The following RHBDD1 variants were observed in gnomAD, a reference collection of about 807,000 sequenced individuals.
RHBDD1 encodes rhomboid-related protein 4.
In RHBDD1, 38 loss-of-function variants were observed where a neutral mutation model predicts 36.3. The observed-to-expected ratio is 1.05, with a 90% CI of 0.81 to 1.37. RHBDD1 has a LOEUF of 1.37. RHBDD1 is among the 40% of genes most tolerant of loss of function. The pLI is 0.00. For synonymous variants in RHBDD1, 151 were observed against 136.5 expected (o/e 1.11, Z -0.74); for missense variants, 393 against 377.6 (o/e 1.04, Z -0.34).
chr2:226,930,918 A>G (rs1235682871), intron 8 of RHBDD1, among the ~76,000 whole-genome samples: 2 of 152,146 alleles, frequency 1.3e-5, no homozygotes, highest in Non-Finnish European at 2.9e-5. Context: ...AGGGAAATGC[A>G]AATTCAAACC....
chr2:226,946,158 T>A lies in RHBDD1; in HGVS notation c.856+31807T>A, dbSNP rs549573372. Among the ~76,000 whole-genome samples, 6 of 152,300 alleles carry A rather than the reference T, an allele frequency of 3.9e-5. No homozygotes were observed. The South Asian group carries it at 1.2e-3, about 32-fold the overall frequency. ...GCAGAAGCTCTTTAGTTTAATTAGATCCCGTTTGTCAATTGTGGCTTTTGT... is the reference window on the plus strand; with the variant it reads ...GCAGAAGCTCTTTAGTTTAATTAGAACCCGTTTGTCAATTGTGGCTTTTGT... On this transcript the variant is annotated intron_variant, in intron 8 of 8. Coordinates refer to ENST00000392062, the MANE Select transcript of RHBDD1 (RefSeq NM_001167608.3).
chr2:226,803,845 T>C, the RHBDD1 span, among the ~76,000 whole-genome samples: 1 of 152,176 alleles, frequency 6.6e-6, no homozygotes, highest in Admixed American at 6.5e-5. Context: ...GGCTTGTAAA[T>C]CGGCTAGATC....
chr2:226,938,439 G>A (rs1164047961), intron 8 of RHBDD1, among the ~76,000 whole-genome samples: 2 of 152,052 alleles, frequency 1.3e-5, no homozygotes, highest in African/African-American at 4.8e-5. Flanking sequence ...TGATAAGGGG[G>A]ATATTGCCAC....
intron 3 of RHBDD1, among the ~76,000 whole-genome samples, chr2:226,859,109 A>T (rs553479025): frequency 6.6e-6 from 1 of 152,356 alleles, no homozygotes; most frequent in Admixed American, 6.5e-5. Flanking sequence ...AGACCTTCTT[A>T]ATCAGTTTCA....
At chr2:226,806,086 CTT>C in the RHBDD1 span, among the ~76,000 whole-genome samples, 1 of 151,914 alleles carries the variant, frequency 6.6e-6, no homozygotes, top group Non-Finnish European at 1.5e-5. Flanking sequence ...CTCTCTCTCT[CTT>C]TCTTCTTCTT....
intron 8 of RHBDD1, among the ~76,000 whole-genome samples, chr2:226,934,130 A>T (rs1950198839): frequency 6.6e-6 from 1 of 152,150 alleles, no homozygotes; most frequent in Non-Finnish European, 1.5e-5. Flanking sequence ...CAGACCACAT[A>T]TGTGACAGTG....
At chr2:226,859,351 T>C (rs1943632355) in intron 3 of RHBDD1, among the ~76,000 whole-genome samples, 1 of 152,218 alleles carries the variant, frequency 6.6e-6, no homozygotes, top group South Asian at 2.1e-4. Flanking sequence ...ACTATTTGCA[T>C]AGCATTTACA....
chr2:226,857,385 A>G (rs4675105), intron 3 of RHBDD1, among the ~76,000 whole-genome samples: 27,332 of 152,056 alleles, frequency 0.18, 3,900 homozygotes, highest in African/African-American at 0.4. Context: ...ACAGTTACTC[A>G]GAAAGTTAAA....
intron 7 of RHBDD1, 51 bp downstream of exon 7, chr2:226,908,929 G>C (rs571242621): frequency 8.5e-7 from 1 of 1,182,304 alleles, no homozygotes; most frequent in Non-Finnish European, 1.3e-6. Flanking sequence ...TAAAATTATA[G>C]TGTTCAGCTC....
At position 226,930,259 on chromosome 2, in the gene RHBDD1, A is replaced by G. The variant is rs142183083; in HGVS notation, c.856+15908A>G. The stretch of plus-strand genomic sequence containing the variant: ...ATCACATTACCTGACTTCAAATTAC[A>G]CTACAAGGATGTAGTAACTAAAACA... On this transcript the variant is annotated intron_variant, in intron 8 of 8. Coordinates refer to ENST00000392062, the MANE Select transcript of RHBDD1 (RefSeq NM_001167608.3). 4.8e-3 allele frequency among the ~76,000 whole-genome samples: 738 copies of G among 152,250 alleles called. 5 individuals carry two copies. Among genetic ancestry groups the G allele is most frequent in the South Asian group, 0.043 (207 of 4,830 alleles).
In RHBDD1 at chr2:226,935,933, A is replaced by T. The variant is rs76558858; in HGVS notation, c.856+21582A>T. Among the ~76,000 whole-genome samples the T allele has an allele frequency of 6.3e-3, 966 of 152,290 alleles. 17 individuals carry two copies. Among genetic ancestry groups the T allele is most frequent in the African/African-American group, 0.022 (926 of 41,578 alleles). On this transcript the variant is annotated intron_variant, in intron 8 of 8. Coordinates refer to ENST00000392062, the MANE Select transcript of RHBDD1 (RefSeq NM_001167608.3). ...CAGTGCAGGCATAATGCAATTGGCA[A>T]TTTTTAATGTATGCAAATTTTCACT...
chr2:226,852,367 T>C (rs747979685), intron 3 of RHBDD1, among the ~76,000 whole-genome samples: 5 of 152,196 alleles, frequency 3.3e-5, no homozygotes, highest in Non-Finnish European at 7.3e-5. Flanking sequence ...CTCCAGAAAT[T>C]CTGGTGACTC....
chr2:226,987,143 CAG>C (rs1457891416), intron 8 of RHBDD1, among the ~76,000 whole-genome samples: 1 of 152,084 alleles, frequency 6.6e-6, no homozygotes, highest in Non-Finnish European at 1.5e-5. Context: ...CACATGGACA[CAG>C]AGAGGGGAAC....
intron 3 of RHBDD1, among the ~76,000 whole-genome samples, chr2:226,846,747 C>CA (rs11366796): frequency 0.037 from 2,603 of 69,624 alleles, 30 homozygotes; most frequent in Non-Finnish European, 0.052. Context: ...AATGCCATCT[C>CA]AAAAAAAAAA....
At chr2:226,933,110 A>G (rs1433770330) in intron 8 of RHBDD1, among the ~76,000 whole-genome samples, 6 of 152,014 alleles carry the variant, frequency 3.9e-5, no homozygotes, top group African/African-American at 9.7e-5. Context: ...ATGAGACCTC[A>G]CTCACTATCA....
At chr2:226,814,384 T>C in the RHBDD1 span, among the ~76,000 whole-genome samples, 1 of 152,096 alleles carries the variant, frequency 6.6e-6, no homozygotes. Flanking sequence ...GAATAGAATG[T>C]GATTAAATAA....
upstream of RHBDD1, among the ~76,000 whole-genome samples, chr2:226,833,969 AT>A (rs1229577869): frequency 6.6e-6 from 1 of 152,124 alleles, no homozygotes; most frequent in African/African-American, 2.4e-5. Context: ...AAAGGTAGAT[AT>A]TTTTTTCTAT....
intron 3 of RHBDD1, among the ~76,000 whole-genome samples, chr2:226,863,042 A>T (rs942210165): frequency 1.3e-5 from 2 of 152,134 alleles, no homozygotes; most frequent in Admixed American, 6.5e-5. Flanking sequence ...TACTTCCAAT[A>T]CTGGGGATCG....
the RHBDD1 span, among the ~76,000 whole-genome samples, chr2:226,820,963 G>A: frequency 3.3e-4 from 50 of 152,300 alleles, no homozygotes; most frequent in Admixed American, 2.8e-3. Context: ...AGCATCCGTG[G>A]CATCAGTCAA....
Sources: allele counts gnomAD v4.1 joint callset (sites outside exome capture counted in the v4.1 genomes callset), GRCh38; gene constraint gnomAD v4.1.1; transcripts MANE v1.5; gene names NCBI Gene and HGNC (gene_info 2026-07-23, HGNC 2026-07-21).